Variants in FLNB observed in about 807,000 individuals in gnomAD.
FLNB encodes filamin B.
Under a neutral mutation model 250.6 loss-of-function variants are expected in FLNB, and 111 were observed. The ratio of observed to expected loss-of-function variants is 0.44; its 90% CI spans 0.38 to 0.52. FLNB has a LOEUF of 0.52. Ranked by LOEUF, FLNB falls within the 20% of genes least tolerant of loss-of-function variation. The probability of loss-of-function intolerance (pLI) is 0.00; values close to 1 mark genes in which losing one functional copy is unlikely to be tolerated. For synonymous variants in FLNB, 1,302 were observed against 1,372.1 expected (o/e 0.95, Z 1.13); for missense variants, 2,869 against 3,447.8 (o/e 0.83, Z 4.20).
intron 1 of FLNB, among the ~76,000 whole-genome samples, chr3:58,036,000 C>T (rs945305226): frequency 1.3e-5 from 2 of 152,142 alleles, no homozygotes; most frequent in Non-Finnish European, 2.9e-5. Flanking sequence ...TGTTTTGGAC[C>T]CATACATTTA....
intron 4 of FLNB, among the ~76,000 whole-genome samples, chr3:58,085,059 T>G (rs1248731451): frequency 1.3e-5 from 2 of 152,260 alleles, no homozygotes; most frequent in Admixed American, 1.3e-4. Flanking sequence ...ATATCACATT[T>G]TGCTTATACA....
At chr3:58,101,820 A>G (rs1024296125) in intron 8 of FLNB, among the ~76,000 whole-genome samples, 1 of 152,268 alleles carries the variant, frequency 6.6e-6, no homozygotes, top group South Asian at 2.1e-4. Flanking sequence ...GACTTGAAAA[A>G]GTCCAGTCTA....
chr3:58,032,765 T>G (rs1003019008), intron 1 of FLNB, among the ~76,000 whole-genome samples: 42 of 152,148 alleles, frequency 2.8e-4, no homozygotes, highest in Admixed American at 2.7e-3. Flanking sequence ...ATGGGTTTAA[T>G]TTTTGAAAAA....
intron 7 of FLNB, 88 bp from the exon 8 acceptor site, chr3:58,098,623 A>T (rs146833593): frequency 6.3e-6 from 8 of 1,276,334 alleles, no homozygotes; most frequent in Middle Eastern, 4.9e-4. Context: ...ATGAGCCACC[A>T]CACTGGTCCT....
chr3:58,088,687 A>T (rs1181167956), intron 4 of FLNB, among the ~76,000 whole-genome samples: 4 of 152,302 alleles, frequency 2.6e-5, no homozygotes, highest in Non-Finnish European at 5.9e-5. Flanking sequence ...CAGCCAGAAG[A>T]CCAGGAAAGG....
chr3:58,098,861 C>T lies in FLNB; in HGVS notation c.1298C>T (p.Ala433Val). 1 of 1,614,096 alleles carries T rather than the reference C, an allele frequency of 6.2e-7. No individual in the cohort carries two copies. Residue 433 changes from alanine (A) to valine (V), a missense_variant, in exon 8 of 46, where the codon GCT becomes GTT. By Grantham distance (64) the Ala-to-Val change is moderately conservative. Around this residue, in one of 5 missense-constraint regions of FLNB, gnomAD observed 1,348 missense variants for 1,466.7 expected, o/e 0.92. Transcript: ENST00000295956. ...PGPHVVKIFF[A>V]GDTIPKSPFV... ...CCTCACGTGGTCAAGATCTTCTTTG[C>T]TGGGGACACTATTCCTAAGAGTCCC...
chr3:58,064,853 C>T (rs920742803), intron 1 of FLNB, among the ~76,000 whole-genome samples: 3 of 151,938 alleles, frequency 2.0e-5, no homozygotes, highest in African/African-American at 7.3e-5. Flanking sequence ...TCTCCCCCCG[C>T]CACACACACA....
chr3:58,105,291 T>G, intron 11 of FLNB, 75 bp downstream of exon 11: 1 of 1,589,990 alleles, frequency 6.3e-7, no homozygotes, highest in Non-Finnish European at 8.6e-7. Context: ...TCAGGCTGGA[T>G]GTTGGGGCCT....
rs1241518007 is a variant in FLNB, at chr3:58,104,177, A to G, written c.1610+92A>G. ...TTGCTTCCCGGGCTGCAGGAGGGAAAGAGATCTGCTTTGTTGAAAACTTTT... is the reference window on the plus strand; with the variant it reads ...TTGCTTCCCGGGCTGCAGGAGGGAAGGAGATCTGCTTTGTTGAAAACTTTT... On this transcript the variant is annotated intron_variant, in intron 10 of 45. Transcript: ENST00000295956. 3.1e-5 allele frequency: 42 copies of G among 1,339,402 alleles called. 1 individual carries two copies. The South Asian group carries it at 3.9e-4, about 13-fold the overall frequency. 83.0% of individuals were successfully genotyped at this position (1,339,402 alleles called of 1,614,324 possible).
intron 28 of FLNB, among the ~76,000 whole-genome samples, chr3:58,136,542 C>T (rs2097316326): frequency 6.6e-6 from 1 of 152,134 alleles, no homozygotes; most frequent in African/African-American, 2.4e-5. Flanking sequence ...TAGATAGTTA[C>T]TCAGGATTCA....
In FLNB at chr3:58,130,920, C is replaced by T; in HGVS notation, c.4390+12C>T. The T allele has an allele frequency of 1.2e-6, 2 of 1,606,866 alleles. No homozygotes were observed. Among genetic ancestry groups the T allele is most frequent in the Non-Finnish European group, 1.7e-6 (2 of 1,177,092 alleles). ...TCTGGGCCCACGAGGTAAGTGTGCA[C>T]CCTGCCTTCCTGCAGACATTCATCT... On this transcript the variant is annotated intron_variant, in intron 25 of 45. Coordinates refer to ENST00000295956, the MANE Select transcript of FLNB (RefSeq NM_001457.4).
chr3:58,118,620 T>A (rs957121561), intron 18 of FLNB, among the ~76,000 whole-genome samples: 5 of 152,216 alleles, frequency 3.3e-5, no homozygotes, highest in African/African-American at 7.2e-5. Flanking sequence ...GCACATAGCA[T>A]GGTGCTTGGT....
chr3:58,131,398 C>G (rs1011162626), intron 25 of FLNB, among the ~76,000 whole-genome samples: 1 of 152,074 alleles, frequency 6.6e-6, no homozygotes, highest in Non-Finnish European at 1.5e-5. Flanking sequence ...GGGGAATGGG[C>G]TTTGTTGGCA....
At chr3:58,092,735 G>A (rs1183151532) in intron 4 of FLNB, among the ~76,000 whole-genome samples, 1 of 152,104 alleles carries the variant, frequency 6.6e-6, no homozygotes, top group Non-Finnish European at 1.5e-5. Context: ...TATCCCAGAG[G>A]AATGAAAACT....
chr3:58,119,757 C>T (rs754283985), intron 19 of FLNB, among the ~76,000 whole-genome samples: 22 of 152,210 alleles, frequency 1.4e-4, no homozygotes, highest in Non-Finnish European at 2.8e-4. Context: ...CTCTCCTTCT[C>T]CCTAGGGTTA....
At chr3:58,108,241 G>T (rs1165962340) in intron 12 of FLNB, among the ~76,000 whole-genome samples, 2 of 152,216 alleles carry the variant, frequency 1.3e-5, no homozygotes, top group African/African-American at 4.8e-5. Flanking sequence ...GGTTGGATTT[G>T]TTTAGAGAGT....
At chr3:58,151,856 C>T (rs1407562586) in intron 38 of FLNB, among the ~76,000 whole-genome samples, 2 of 152,208 alleles carry the variant, frequency 1.3e-5, no homozygotes, top group Non-Finnish European at 2.9e-5. Flanking sequence ...TCAGATGCTG[C>T]CATGCCTTGG....
rs10571409 is a variant in FLNB, at chr3:58,103,265, G to GGTGTGTGTGTGTGTGTGTGT, written c.1484-684_1484-665dup. Among the ~76,000 whole-genome samples, 356 of 148,166 alleles carry GGTGTGTGTGTGTGTGTGTGT rather than the reference G, an allele frequency of 2.4e-3. 1 individual carries two copies. The highest frequency in any genetic ancestry group is 6.9e-3 in the Middle Eastern group (2 of 288). ...GATTATTCCAACAGGAGCCAAGGAGGGTGTGTGTGTGTGTGTGTGTGTGTG... is the reference window on the plus strand; with the variant it reads ...GATTATTCCAACAGGAGCCAAGGAGGGTGTGTGTGTGTGTGTGTGTGTGTGTGTGTGTGTGTGTGTGTGTG... On this transcript the variant is annotated intron_variant, in intron 9 of 45. Transcript: ENST00000295956.
At chr3:58,041,009 T>C (rs1278059347) in intron 1 of FLNB, among the ~76,000 whole-genome samples, 1 of 152,206 alleles carries the variant, frequency 6.6e-6, no homozygotes, top group Non-Finnish European at 1.5e-5. Context: ...GCTTACTGTG[T>C]GCTAGGTGGC....
Sources: allele counts gnomAD v4.1 joint callset (sites outside exome capture counted in the v4.1 genomes callset), GRCh38; gene constraint gnomAD v4.1.1; regional missense constraint gnomAD v4.1.1; transcripts MANE v1.5; gene names NCBI Gene and HGNC (gene_info 2026-07-23, HGNC 2026-07-21).